Variants in RBCK1 observed in about 807,000 individuals in gnomAD.
RBCK1 encodes RANBP2-type and C3HC4-type zinc finger containing 1.
Under a neutral mutation model 71.1 loss-of-function variants are expected in RBCK1, and 44 were observed. The observed-to-expected ratio is 0.62, with a 90% CI of 0.49 to 0.80. The LOEUF (loss-of-function observed/expected upper bound fraction) is 0.80. Among genes scored for constraint, RBCK1 ranks in the 30% least tolerant of loss-of-function variants. The pLI is 0.00. For missense variants in RBCK1, 569 were observed against 685.0 expected (o/e 0.83, Z 1.89); for synonymous variants, 306 against 279.7 (o/e 1.09, Z -0.94).
Position 427,197 on chromosome 20 carries a change from G to T in RBCK1, c.1030-116G>T, listed in dbSNP as rs750411276. Reference sequence around the variant, plus strand: ...CTATGAGGATTACATGAAGAAAAGAGCCTGGGGCTGGGTTGGAGTTTCTGG... The same window carrying T: ...CTATGAGGATTACATGAAGAAAAGATCCTGGGGCTGGGTTGGAGTTTCTGG... On this transcript the variant is annotated intron_variant, in intron 8 of 11. Transcript: ENST00000356286. 3.9e-4 allele frequency: 366 copies of T among 948,972 alleles called. 1 individual carries two copies. The highest frequency in any genetic ancestry group is 5.1e-4 in the Non-Finnish European group (329 of 641,202). The allele number at this position is 948,972 out of a possible 1,614,324, so 58.8% of individuals were successfully genotyped here.
rs2017010393 is a variant in RBCK1, at chr20:431,400, A to C, written c.*970A>C. On this transcript the variant is annotated 3_prime_UTR_variant, in exon 12 of 12. Coordinates refer to ENST00000356286, the MANE Select transcript of RBCK1 (RefSeq NM_031229.4). This position sits in a 1 kb window ranked among gnomAD's most constrained non-coding sequence, Gnocchi z 4.8. ...AAGCAAGATGGCACAGTATCGATTC[A>C]GCAGTATTTACTAGAACCCACTCTG... 6.6e-6 allele frequency among the ~76,000 whole-genome samples: 1 copy of C among 152,176 alleles called. No homozygotes were observed. The highest frequency in any genetic ancestry group is 6.5e-5 in the Admixed American group (1 of 15,276).
Position 429,069 on chromosome 20 carries a change from C to T in RBCK1, c.1427C>T (p.Thr476Ile), listed in dbSNP as rs1161062561. Residue 476 changes from threonine to isoleucine, a missense_variant, in exon 11 of 12, where the codon ACC (threonine) becomes ATC (isoleucine). Thr to Ile is a moderately conservative substitution (Grantham distance 89, BLOSUM62 -1). Coordinates refer to ENST00000356286, the MANE Select transcript of RBCK1 (RefSeq NM_031229.4). The part of the protein sequence containing the change: ...TVCHTEICWV[T>I]KGPRWGPGGP... ...TGCCACACCGAGATCTGCTGGGTCA[C>T]CAAGGGCCCACGCTGGGGCCCTGGG... 1.2e-6 allele frequency: 2 copies of T among 1,613,026 alleles called. No individual in the cohort carries two copies. The highest frequency in any genetic ancestry group is 1.7e-6 in the Non-Finnish European group (2 of 1,179,820).
At position 430,367 on chromosome 20, in the gene RBCK1, C is replaced by T. The variant is rs747231064; in HGVS notation, c.1470C>T (p.Ser490=). The T allele has an allele frequency of 1.8e-5, 29 of 1,612,216 alleles. No individual in the cohort carries two copies. The East Asian group carries it at 2.2e-4, about 12-fold the overall frequency. Residue 490 remains serine (S), a synonymous_variant, in exon 12 of 12, where the codon AGC becomes AGT. Coordinates refer to ENST00000356286, the MANE Select transcript of RBCK1 (RefSeq NM_031229.4). The surrounding 1 kb of genome is among the most constrained non-coding windows in gnomAD (Gnocchi z 5.6). ...RWGPGGPGDT[S]GGCRCRVNGI... Reference sequence around the variant, plus strand: ...TCCTCTAGGGCCCAGGAGACACCAGCGGGGGCTGCCGCTGCAGGGTAAATG... The same window carrying T: ...TCCTCTAGGGCCCAGGAGACACCAGTGGGGGCTGCCGCTGCAGGGTAAATG...
At chr20:429,115 G>T (rs1335665678) in intron 11 of RBCK1, 21 bp downstream of exon 11, 2 of 1,601,260 alleles carry the variant, frequency 1.2e-6, no homozygotes, top group Non-Finnish European at 1.7e-6. Context: ...GCTCGTGGTG[G>T]TGTGGAGAGG....
chr20:430,354 C>G lies in RBCK1; in HGVS notation c.1457C>G (p.Pro486Arg). Residue 486 changes from proline (P) to arginine (R), a missense_variant, in exon 12 of 12, where the codon CCA becomes CGA. This residue lies in a region of RBCK1 where 211 missense variants were observed against 309.4 expected (regional missense o/e 0.68). Coordinates refer to ENST00000356286, the MANE Select transcript of RBCK1 (RefSeq NM_031229.4). This position sits in a 1 kb window ranked among gnomAD's most constrained non-coding sequence, Gnocchi z 5.6. ...TKGPRWGPGG[P>R]GDTSGGCRCR... ...TCTCTTCCTCCCATCCTCTAGGGCC[C>G]AGGAGACACCAGCGGGGGCTGCCGC... 1 of 1,609,592 alleles carries G rather than the reference C, an allele frequency of 6.2e-7. No homozygotes were observed.
At chr20:420,820 ACCCG>A (rs2122266151) in intron 6 of RBCK1, 47 bp from the exon 7 acceptor site, 1 of 1,486,902 alleles carries the variant, frequency 6.7e-7, no homozygotes, top group Non-Finnish European at 9.0e-7. Flanking sequence ...TCGGGGTCTG[ACCCG>A]CCCCCGAGGC....
intron 1 of RBCK1, 116 bp from the exon 2 acceptor site, chr20:409,765 A>C: frequency 1.4e-6 from 2 of 1,478,122 alleles, no homozygotes; most frequent in Admixed American, 2.1e-5. Flanking sequence ...GTAGGAGTTC[A>C]CCAGGAAGAC....
chr20:419,846 A>C, intron 6 of RBCK1, 115 bp downstream of exon 6: 1 of 1,446,864 alleles, frequency 6.9e-7, no homozygotes, highest in Non-Finnish European at 9.1e-7. Context: ...GCCCCTCCCA[A>C]CCATGCTGCT....
In RBCK1 at chr20:417,090, T is replaced by A. The variant is rs917274194; in HGVS notation, c.168-436T>A. On this transcript the variant is annotated intron_variant, in intron 2 of 11. Coordinates refer to ENST00000356286, the MANE Select transcript of RBCK1 (RefSeq NM_031229.4). This position sits in a 1 kb window ranked among gnomAD's most constrained non-coding sequence, Gnocchi z 4.7. ...AACCTATCTGTGCCTCACATTTTTA[T>A]CTGTAAAACAGGGATACAGCAGTAC... 2 of 410,326 alleles carry A rather than the reference T, an allele frequency of 4.9e-6. No individual in the cohort carries two copies. The highest frequency in any genetic ancestry group is 5.1e-6 in the Non-Finnish European group (1 of 196,934). 25.4% of individuals were successfully genotyped at this position (410,326 alleles called of 1,614,324 possible).
chr20:427,483 G>C lies in RBCK1; in HGVS notation c.1200G>C (p.Leu400=), dbSNP rs2016793557. Residue 400 remains leucine (L), a synonymous_variant, in exon 9 of 12, where the codon CTG becomes CTC. Coordinates refer to ENST00000356286, the MANE Select transcript of RBCK1 (RefSeq NM_031229.4). ...TCPVCFHVNC[L]LCKAIHEQMN... ...CTGTGTGTTTCCACGTCAACTGCCT[G>C]CTCTGCAAGGTGGGGCCTGCAGGGA... 1 of 1,613,138 alleles carries C rather than the reference G, an allele frequency of 6.2e-7. No individual in the cohort carries two copies. Among genetic ancestry groups the C allele is most frequent in the African/African-American group, 1.3e-5 (1 of 74,902 alleles).
rs1341259880 is a variant in RBCK1, at chr20:422,002, TGAG to T, written c.918-121_918-119del. The T allele has an allele frequency of 1.1e-5, 7 of 655,968 alleles. No homozygotes were observed. The highest frequency in any genetic ancestry group is 3.6e-5 in the South Asian group (2 of 55,070). 40.6% of individuals were successfully genotyped at this position (655,968 alleles called of 1,614,324 possible). On this transcript the variant is annotated intron_variant, in intron 7 of 11. Transcript: ENST00000356286. The surrounding 1 kb of genome is among the most constrained non-coding windows in gnomAD (Gnocchi z 5.0). ...AGAGGGATGGGAAGGAAGGAGATAT[TGAG>T]GAGAAGTCCACCTGGGGTGACTGAG... is the stretch of plus-strand genomic sequence containing the variant.
At chr20:429,786 G>T (rs1006414041) in intron 11 of RBCK1, among the ~76,000 whole-genome samples, 1 of 152,178 alleles carries the variant, frequency 6.6e-6, no homozygotes, top group African/African-American at 2.4e-5. Context: ...GTAAAGGTTC[G>T]ATCTGGAGTC....
intron 7 of RBCK1, 91 bp downstream of exon 7, chr20:421,122 TA>T (rs1161710634): frequency 5.7e-6 from 8 of 1,407,674 alleles, no homozygotes; most frequent in Non-Finnish European, 7.5e-6. Flanking sequence ...TGTGCTCTGA[TA>T]CCTCATTGGA....
chr20:421,800 T>C, intron 7 of RBCK1: 1 of 312,308 alleles, frequency 3.2e-6, no homozygotes, highest in Non-Finnish European at 6.0e-6. Flanking sequence ...CTGGGTAGGA[T>C]GGGAGTCACT....
chr20:426,393 GTCC>G (rs1265047782), intron 8 of RBCK1, among the ~76,000 whole-genome samples: 6 of 152,106 alleles, frequency 3.9e-5, no homozygotes, highest in African/African-American at 1.2e-4. Context: ...TTTACTGTCT[GTCC>G]TCATTAGTTC....
intron 8 of RBCK1, among the ~76,000 whole-genome samples, chr20:424,476 T>C (rs375997075): frequency 2.4e-4 from 37 of 152,168 alleles, no homozygotes; most frequent in Admixed American, 6.6e-4. Context: ...CTCCTGAGAA[T>C]GCTCCCAACT....
intron 6 of RBCK1, 107 bp downstream of exon 6, chr20:419,838 C>T (rs2016271808): frequency 3.5e-6 from 5 of 1,448,584 alleles, no homozygotes; most frequent in African/African-American, 1.4e-5. Flanking sequence ...ACTGCCTTGC[C>T]CCTCCCAACC....
chr20:425,300 C>G (rs528572750), intron 8 of RBCK1, among the ~76,000 whole-genome samples: 1 of 152,144 alleles, frequency 6.6e-6, no homozygotes, highest in Admixed American at 6.5e-5. Flanking sequence ...CGTGAGCCAC[C>G]GTGCCCAGCC....
At chr20:411,911 A>AT (rs921410146) in intron 2 of RBCK1, among the ~76,000 whole-genome samples, 29 of 152,250 alleles carry the variant, frequency 1.9e-4, no homozygotes, top group Admixed American at 7.8e-4. Context: ...GGGTGTTTCT[A>AT]TTTTTTGGCT....
Sources: gnomAD v4.1 joint callset for allele counts (sites outside exome capture counted in the v4.1 genomes callset) on GRCh38, gnomAD v4.1.1 for gene constraint, gnomAD v4.1.1 regional missense constraint, Gnocchi (gnomAD v3.1) non-coding constraint, MANE v1.5 for transcripts, NCBI Gene and HGNC (gene_info 2026-07-23, HGNC 2026-07-21) for gene names.